Variants in PCDH15 observed in about 807,000 individuals in gnomAD.
PCDH15 encodes protocadherin-15.
Under a neutral mutation model 178.5 loss-of-function variants are expected in PCDH15, and 129 were observed. That is an observed-to-expected ratio of 0.72 (90% CI 0.63 to 0.84). The LOEUF (loss-of-function observed/expected upper bound fraction) is 0.84. Among genes scored for constraint, PCDH15 ranks in the 40% least tolerant of loss-of-function variants. The pLI is 0.00. For synonymous variants in PCDH15, 800 were observed against 732.0 expected, an observed-to-expected ratio of 1.09 and a Z score of -1.50; for missense variants, 2,230 against 2,099.9, an observed-to-expected ratio of 1.06 and a Z score of -1.21.
At chr10:54,345,146 T>C (rs1943033246) in intron 6 of PCDH15, among the ~76,000 whole-genome samples, 1 of 151,908 alleles carries the variant, frequency 6.6e-6, no homozygotes. Context: ...TTTTCTTTGC[T>C]ATGCAACAGA....
chr10:54,201,611 T>C (rs1186671852), intron 10 of PCDH15, among the ~76,000 whole-genome samples: 2 of 152,130 alleles, frequency 1.3e-5, no homozygotes, highest in African/African-American at 2.4e-5. Flanking sequence ...CCCTGGTATA[T>C]GGAAGAAGGT....
chr10:54,813,911 C>T (rs1269627224), intron 3 of PCDH15, among the ~76,000 whole-genome samples: 1 of 152,070 alleles, frequency 6.6e-6, no homozygotes, highest in Non-Finnish European at 1.5e-5. Flanking sequence ...TTCCACTCTC[C>T]TCTTGTCTAC....
chr10:55,055,645 G>C (rs1016077517), intron 2 of PCDH15, among the ~76,000 whole-genome samples: 1 of 151,814 alleles, frequency 6.6e-6, no homozygotes, highest in Non-Finnish European at 1.5e-5. Context: ...CCTTCAAAAA[G>C]TACAAAAATT....
intron 6 of PCDH15, among the ~76,000 whole-genome samples, chr10:54,335,285 A>C (rs1406805773): frequency 1.3e-5 from 2 of 152,128 alleles, no homozygotes; most frequent in Non-Finnish European, 2.9e-5. Flanking sequence ...GACAAAATGG[A>C]CTCCCTATGA....
intron 3 of PCDH15, among the ~76,000 whole-genome samples, chr10:54,518,712 G>C (rs1033788586): frequency 1.3e-5 from 2 of 152,158 alleles, no homozygotes; most frequent in Admixed American, 6.5e-5. Context: ...CTCATTTTAT[G>C]AGGCCAGCAT....
chr10:54,151,652 G>T (rs965279479), intron 14 of PCDH15, among the ~76,000 whole-genome samples: 1 of 151,958 alleles, frequency 6.6e-6, no homozygotes, highest in Non-Finnish European at 1.5e-5. Context: ...CAAAAAGCCT[G>T]CTAAAAAACA....
chr10:55,408,191 CTT>C (rs71014483), intron 2 of PCDH15, among the ~76,000 whole-genome samples: 96 of 142,776 alleles, frequency 6.7e-4, no homozygotes, highest in Non-Finnish European at 5.8e-4. Context: ...ATTCTTTTTT[CTT>C]TTTTTTTTTT....
chr10:54,993,190 T>C (rs752834658), intron 2 of PCDH15, among the ~76,000 whole-genome samples: 5 of 152,072 alleles, frequency 3.3e-5, no homozygotes, highest in Non-Finnish European at 5.9e-5. Flanking sequence ...ATGAGGGAAA[T>C]AGAAGAATTC....
At chr10:54,755,163 T>A (rs1946903737) in intron 1 of PCDH15, among the ~76,000 whole-genome samples, 1 of 151,946 alleles carries the variant, frequency 6.6e-6, no homozygotes, top group African/African-American at 2.4e-5. Context: ...AACTCCTGAC[T>A]TCAGGTGATG....
At chr10:54,965,733 C>T (rs1351242602) in intron 2 of PCDH15, among the ~76,000 whole-genome samples, 1 of 150,292 alleles carries the variant, frequency 6.7e-6, no homozygotes, top group East Asian at 1.9e-4. Flanking sequence ...CATTTCCTCA[C>T]TGGGGTAATC....
intron 7 of PCDH15, among the ~76,000 whole-genome samples, chr10:54,327,660 G>T (rs1938446251): frequency 6.6e-6 from 1 of 151,736 alleles, no homozygotes; most frequent in Non-Finnish European, 1.5e-5. Flanking sequence ...TGACAAGTTT[G>T]TGGCACATTT....
intron 2 of PCDH15, among the ~76,000 whole-genome samples, chr10:54,972,895 C>A (rs912015196): frequency 2.7e-5 from 4 of 145,542 alleles, no homozygotes; most frequent in Non-Finnish European, 6.0e-5. Flanking sequence ...TTTTACCTAG[C>A]AAATACACTC....
chr10:54,743,687 G>T (rs1405201155), intron 1 of PCDH15, among the ~76,000 whole-genome samples: 1 of 151,846 alleles, frequency 6.6e-6, no homozygotes, highest in Non-Finnish European at 1.5e-5. Flanking sequence ...ACATAATATA[G>T]AGGCATAGTA....
chr10:55,331,380 A>G (rs547832786), intron 2 of PCDH15, among the ~76,000 whole-genome samples: 1 of 152,016 alleles, frequency 6.6e-6, no homozygotes, highest in Admixed American at 6.6e-5. Flanking sequence ...CAGAATTATT[A>G]TTAATGTATT....
intron 18 of PCDH15, among the ~76,000 whole-genome samples, chr10:54,039,635 AATT>A (rs1373543373): frequency 6.6e-6 from 1 of 151,922 alleles, no homozygotes; most frequent in African/African-American, 2.4e-5. Context: ...GAATTCCACT[AATT>A]ATTTTGAAAC....
At chr10:55,269,134 C>G (rs1019503223) in intron 1 of PCDH15, among the ~76,000 whole-genome samples, 1 of 151,922 alleles carries the variant, frequency 6.6e-6, no homozygotes, top group Admixed American at 6.6e-5. Context: ...GGAACCTACC[C>G]CAAAATAAGA....
chr10:54,373,395 A>G (rs1947968307), intron 4 of PCDH15, among the ~76,000 whole-genome samples: 2 of 151,974 alleles, frequency 1.3e-5, no homozygotes, highest in Admixed American at 1.3e-4. Context: ...TGTGTGTTTT[A>G]GAAACGACTT....
At chr10:54,565,956 T>C (rs2088964117) in intron 2 of PCDH15, among the ~76,000 whole-genome samples, 1 of 152,130 alleles carries the variant, frequency 6.6e-6, no homozygotes, top group African/African-American at 2.4e-5. Context: ...TGGTGATGCA[T>C]GCCTGTAATC....
At chr10:54,408,052 C>CAAAAAAA (rs71461239) in intron 3 of PCDH15, among the ~76,000 whole-genome samples, 2,833 of 82,152 alleles carry the variant, frequency 0.034, 135 homozygotes, top group Middle Eastern at 0.05. Context: ...GAGACTCTGT[C>CAAAAAAA]AAAAAAAAAA....
Sources: allele counts gnomAD v4.1 joint callset (sites outside exome capture counted in the v4.1 genomes callset), GRCh38; gene constraint gnomAD v4.1.1; transcripts MANE v1.5; gene names NCBI Gene and HGNC (gene_info 2026-07-23, HGNC 2026-07-21).